The following DDX10 variants were observed in gnomAD, a reference collection of about 807,000 sequenced individuals.
The protein encoded by DDX10 is probable ATP-dependent RNA helicase DDX10.
Under a neutral mutation model 104.3 loss-of-function variants are expected in DDX10, and 74 were observed. The observed-to-expected ratio is 0.71, with a 90% confidence interval of 0.59 to 0.86. The LOEUF (loss-of-function observed/expected upper bound fraction) is 0.86, where lower values mean the gene tolerates loss of function less well. Among genes scored for constraint, DDX10 ranks in the 40% least tolerant of loss-of-function variants. The probability of loss-of-function intolerance (pLI) is 0.00; values close to 1 mark genes in which losing one functional copy is unlikely to be tolerated. For missense variants in DDX10, 952 were observed against 1,040.0 expected (o/e 0.92, Z 1.16); for synonymous variants, 351 against 353.4 (o/e 0.99, Z 0.08).
chr11:108,874,178 A>G (rs1328785901), intron 16 of DDX10, among the ~76,000 whole-genome samples: 2 of 152,202 alleles, frequency 1.3e-5, no homozygotes, highest in South Asian at 2.1e-4. Flanking sequence ...GACTTACGGG[A>G]AAAAAAATAC....
intron 9 of DDX10, among the ~76,000 whole-genome samples, chr11:108,703,148 A>G (rs2134458483): frequency 6.6e-6 from 1 of 152,322 alleles, no homozygotes; most frequent in South Asian, 2.1e-4. Flanking sequence ...TCTCACCACA[A>G]AAATGATAAC....
At chr11:108,888,382 T>A (rs1863329465) in intron 16 of DDX10, among the ~76,000 whole-genome samples, 2 of 152,196 alleles carry the variant, frequency 1.3e-5, no homozygotes, top group South Asian at 4.1e-4. Context: ...ATTGTAGTTA[T>A]GTTGGCCAAA....
At chr11:108,859,445 G>A (rs1391624003) in intron 16 of DDX10, among the ~76,000 whole-genome samples, 1 of 74,496 alleles carries the variant, frequency 1.3e-5, no homozygotes, top group African/African-American at 3.4e-5. Context: ...TTTGAGTAAG[G>A]TGTAAAAAAA....
intron 16 of DDX10, among the ~76,000 whole-genome samples, chr11:108,887,321 T>G: frequency 6.6e-6 from 1 of 152,100 alleles, no homozygotes; most frequent in Non-Finnish European, 1.5e-5. Context: ...AGTACCTATT[T>G]CCAAAACAGA....
At chr11:108,691,265 A>T (rs1219475385) in intron 7 of DDX10, among the ~76,000 whole-genome samples, 1 of 152,204 alleles carries the variant, frequency 6.6e-6, no homozygotes, top group Non-Finnish European at 1.5e-5. Flanking sequence ...GGAGCTCAGA[A>T]TTAAACTTCC....
At chr11:108,823,165 A>C (rs909282686) in intron 13 of DDX10, among the ~76,000 whole-genome samples, 6 of 152,220 alleles carry the variant, frequency 3.9e-5, no homozygotes, top group African/African-American at 1.4e-4. Context: ...ACAGTTTTAC[A>C]AATGGTATGT....
chr11:108,939,960 A>C (rs7130411), intron 17 of DDX10, among the ~76,000 whole-genome samples: 32,580 of 152,010 alleles, frequency 0.21, 3,659 homozygotes, highest in East Asian at 0.28. Context: ...CCTGTGGTGC[A>C]TCTCAGTGTC....
At chr11:108,812,853 A>G (rs1170197115) in intron 13 of DDX10, among the ~76,000 whole-genome samples, 1 of 151,774 alleles carries the variant, frequency 6.6e-6, no homozygotes, top group East Asian at 1.9e-4. Context: ...ATGGTGGCAC[A>G]TGTCTGTAAT....
chr11:108,688,775 T>C (rs748615841), intron 6 of DDX10, among the ~76,000 whole-genome samples, 161 bp from the exon 7 acceptor site: 1 of 152,240 alleles, frequency 6.6e-6, no homozygotes, highest in Non-Finnish European at 1.5e-5. Flanking sequence ...GTTGAATTTG[T>C]TTCCTAAGGG....
intron 13 of DDX10, among the ~76,000 whole-genome samples, chr11:108,793,470 G>A (rs1345173554): frequency 6.6e-6 from 1 of 152,080 alleles, no homozygotes; most frequent in Admixed American, 6.5e-5. Context: ...TGACCCAGGG[G>A]TCTAGTGCCA....
intron 13 of DDX10, among the ~76,000 whole-genome samples, chr11:108,779,634 G>A (rs1016505613): frequency 1.3e-5 from 2 of 152,010 alleles, no homozygotes; most frequent in African/African-American, 2.4e-5. Flanking sequence ...AAACCTGCAC[G>A]TTGTGCACAT....
At chr11:108,833,222 C>A (rs1862496627) in intron 13 of DDX10, among the ~76,000 whole-genome samples, 1 of 152,188 alleles carries the variant, frequency 6.6e-6, no homozygotes, top group South Asian at 2.1e-4. Flanking sequence ...AAAGGAAGTT[C>A]CTTGACATGC....
chr11:108,857,883 A>G (rs1862891838), intron 16 of DDX10, among the ~76,000 whole-genome samples: 1 of 152,216 alleles, frequency 6.6e-6, no homozygotes, highest in Admixed American at 6.5e-5. Flanking sequence ...TTCTCCTGAA[A>G]TTGCTTTCCT....
chr11:108,772,274 A>G (rs1457702306), intron 13 of DDX10, among the ~76,000 whole-genome samples: 1 of 152,240 alleles, frequency 6.6e-6, no homozygotes, highest in Non-Finnish European at 1.5e-5. Flanking sequence ...GGGTCATTGC[A>G]GATATAATTA....
intron 13 of DDX10, among the ~76,000 whole-genome samples, chr11:108,747,625 C>T (rs1269178893): frequency 3.9e-5 from 6 of 152,208 alleles, no homozygotes; most frequent in South Asian, 2.1e-4. Context: ...TACCTGTATA[C>T]TGCTGATTTC....
intron 13 of DDX10, among the ~76,000 whole-genome samples, chr11:108,838,184 G>C (rs1862583352): frequency 2.0e-5 from 3 of 152,076 alleles, no homozygotes; most frequent in Non-Finnish European, 4.4e-5. Context: ...TTATCAAATA[G>C]CACAGTTCTA....
intron 16 of DDX10, chr11:108,860,531 G>A (rs1382859922): frequency 6.6e-6 from 1 of 152,138 alleles, no homozygotes; most frequent in South Asian, 2.1e-4. Flanking sequence ...GGAGGAGGAA[G>A]CCACTATTTT....
intron 13 of DDX10, among the ~76,000 whole-genome samples, chr11:108,799,454 C>A (rs1339013760): frequency 6.6e-6 from 1 of 152,182 alleles, no homozygotes; most frequent in Non-Finnish European, 1.5e-5. Context: ...TAGTTGATTG[C>A]AGCCTTTGTC....
chr11:108,707,271 C>T (rs978081195), intron 10 of DDX10, among the ~76,000 whole-genome samples: 1 of 152,108 alleles, frequency 6.6e-6, no homozygotes, highest in Non-Finnish European at 1.5e-5. Flanking sequence ...TATTTATTCC[C>T]CTCCCCTCCC....
Sources: gnomAD v4.1 joint callset for allele counts (sites outside exome capture counted in the v4.1 genomes callset) on GRCh38, gnomAD v4.1.1 for gene constraint, MANE v1.5 for transcripts, NCBI Gene and HGNC (gene_info 2026-07-23, HGNC 2026-07-21) for gene names.